Variants in SGTB observed in about 807,000 individuals in gnomAD.
SGTB encodes the protein small glutamine-rich tetratricopeptide repeat-containing protein beta.
A neutral mutation model predicts 43.9 loss-of-function variants in SGTB; 19 were observed. The observed-to-expected ratio is 0.43, with a 90% CI of 0.30 to 0.63. The LOEUF is 0.63. SGTB is among the 30% of genes least tolerant of loss of function. The probability of loss-of-function intolerance (pLI) is 0.12; values close to 1 mark genes in which losing one functional copy is unlikely to be tolerated. For synonymous variants in SGTB, 116 were observed against 117.3 expected, an observed-to-expected ratio of 0.99 and a Z score of 0.07; for missense variants, 304 against 358.9, an observed-to-expected ratio of 0.85 and a Z score of 1.24.
At chr5:65,714,113 T>A (rs919583392) in intron 2 of SGTB, among the ~76,000 whole-genome samples, 5 of 152,290 alleles carry the variant, frequency 3.3e-5, no homozygotes, top group African/African-American at 9.6e-5. Context: ...ATTATTTTTT[T>A]AAAAAATGTG....
Position 65,669,022 on chromosome 5 carries a change from T to G in SGTB, c.*1224A>C, listed in dbSNP as rs1757101270. 6.6e-6 allele frequency: 1 copy of G among 152,210 alleles called. No individual in the cohort carries two copies. Among genetic ancestry groups the G allele is most frequent in the Admixed American group, 6.5e-5 (1 of 15,280 alleles). The allele number at this position is 152,210 out of a possible 1,614,324, so 9.4% of individuals were successfully genotyped here. A position where few individuals can be genotyped will look rare whatever the true frequency, so the allele number is the denominator to read the frequency against. Reference sequence around the variant, plus strand: ...TAATAAACAAAAAATATACTCTAGTTGGAATTAAACTCTCATCATCAATGT... The same window carrying G: ...TAATAAACAAAAAATATACTCTAGTGGGAATTAAACTCTCATCATCAATGT... On this transcript the variant is annotated 3_prime_UTR_variant, in exon 11 of 11. Coordinates refer to ENST00000381007, the MANE Select transcript of SGTB (RefSeq NM_019072.3).
At chr5:65,674,548 G>A (rs1172475846) in intron 8 of SGTB, among the ~76,000 whole-genome samples, 1 of 152,214 alleles carries the variant, frequency 6.6e-6, no homozygotes, top group Non-Finnish European at 1.5e-5. Context: ...CTTGAGATGA[G>A]AGCAAGCCTC....
Position 65,665,966 on chromosome 5 carries a change from ATTGT to A in SGTB, c.*4276_*4279del, listed in dbSNP as rs1024316280. On this transcript the variant is annotated 3_prime_UTR_variant, in exon 11 of 11. Coordinates refer to ENST00000381007, the MANE Select transcript of SGTB (RefSeq NM_019072.3). ...GCATCATTATTTATTGCCATAACAA[ATTGT>A]TTGGTCCAAAATGAAAGCTATATTC... 2 of 152,612 alleles carry A rather than the reference ATTGT, an allele frequency of 1.3e-5. No individual in the cohort carries two copies. Among genetic ancestry groups the A allele is most frequent in the East Asian group, 1.9e-4 (1 of 5,200 alleles). The allele number at this position is 152,612 out of a possible 1,614,324, so 9.5% of individuals were successfully genotyped here.
intron 5 of SGTB, among the ~76,000 whole-genome samples, chr5:65,699,024 T>A (rs936067774): frequency 1.3e-5 from 2 of 152,118 alleles, no homozygotes; most frequent in Non-Finnish European, 2.9e-5. Context: ...AGGAATCCCA[T>A]TACTGGGTAC....
At position 65,720,761 on chromosome 5, in the gene SGTB, C is replaced by G; in HGVS notation, c.47G>C (p.Arg16Pro). The change falls in exon 2 of 11, where the codon CGG becomes CCG. Residue 16 changes from arginine to proline, a missense_variant. Physicochemically the swap from Arg to Pro is moderately radical, Grantham distance 103 (BLOSUM62 -2). Transcript: ENST00000381007. Reference protein sequence around the residue: ...HLVYAVIRFLREQSQMDTYTS... With the variant: ...HLVYAVIRFLPEQSQMDTYTS... ...GTAAGTGTCCATCTGACTTTGTTCCCGTAAGAAACGAATAACTGCATAAAC... is the reference window on the plus strand; with the variant it reads ...GTAAGTGTCCATCTGACTTTGTTCCGGTAAGAAACGAATAACTGCATAAAC... The G allele has an allele frequency of 6.2e-7, 1 of 1,613,878 alleles. No homozygotes were observed. The highest frequency in any genetic ancestry group is 8.5e-7 in the Non-Finnish European group (1 of 1,179,936).
rs115653180 is a variant in SGTB, at chr5:65,714,074, A to G, written c.101-1010T>C. 2.2e-3 allele frequency among the ~76,000 whole-genome samples: 330 copies of G among 152,248 alleles called. 3 individuals are homozygous for G. The highest frequency in any genetic ancestry group is 7.8e-3 in the African/African-American group (326 of 41,540). On this transcript the variant is annotated intron_variant, in intron 2 of 10. Coordinates refer to ENST00000381007, the MANE Select transcript of SGTB (RefSeq NM_019072.3). ...AAAAACAAAAACAAAAACAAAACAA[A>G]AAAAGTACTCTCACTACAAACCTAA...
At position 65,693,202 on chromosome 5, in the gene SGTB, G is replaced by A. The variant is rs1053914569; in HGVS notation, c.375-7730C>T. Among the ~76,000 whole-genome samples, 40 of 150,742 alleles carry A rather than the reference G, an allele frequency of 2.7e-4. 1 individual carries two copies. Among genetic ancestry groups the A allele is most frequent in the Admixed American group, 2.6e-3 (40 of 15,116 alleles). On this transcript the variant is annotated intron_variant, in intron 5 of 10. Coordinates refer to ENST00000381007, the MANE Select transcript of SGTB (RefSeq NM_019072.3). ...AGAGAAGGACAGGACAGGATGGGAC[G>A]GGAAGGGAAGGGAAGGGAAGGAAGG...
rs770729113 is a variant in SGTB, at chr5:65,722,023, T to C, written c.-129A>G. 3 of 154,592 alleles carry C rather than the reference T, an allele frequency of 1.9e-5. No individual in the cohort carries two copies. Among genetic ancestry groups the C allele is most frequent in the Non-Finnish European group, 2.9e-5 (2 of 69,696 alleles). 9.6% of individuals were successfully genotyped at this position (154,592 alleles called of 1,614,324 possible). On this transcript the variant is annotated 5_prime_UTR_variant, in exon 1 of 11. Coordinates refer to ENST00000381007, the MANE Select transcript of SGTB (RefSeq NM_019072.3). ...GGAGCCCGGCTCGGGATCGCAGCAC[T>C]GGTCGCGGCGGCGCAAACTTCCCCG...
At chr5:65,678,066 T>G (rs1396362181) in intron 8 of SGTB, among the ~76,000 whole-genome samples, 2 of 152,186 alleles carry the variant, frequency 1.3e-5, no homozygotes, top group Non-Finnish European at 2.9e-5. Flanking sequence ...TATCCCTATA[T>G]GCAGATGACA....
upstream of SGTB, chr5:65,722,676 C>G: frequency 6.0e-6 from 3 of 500,944 alleles, no homozygotes; most frequent in Non-Finnish European, 1.1e-5. Flanking sequence ...CGAGGCTGGT[C>G]ACAGACGCGG....
In SGTB at chr5:65,701,288, T is replaced by TA. The variant is rs151218543; in HGVS notation, c.374+2990dup. 1.2e-3 allele frequency among the ~76,000 whole-genome samples: 184 copies of TA among 152,120 alleles called. No homozygotes were observed. In the East Asian group the frequency reaches 0.031, roughly 26 times the overall value. On this transcript the variant is annotated intron_variant, in intron 5 of 10. Coordinates refer to ENST00000381007, the MANE Select transcript of SGTB (RefSeq NM_019072.3). ...CTCTTTCAAACCTAAGAACCTACTA[T>TA]AAAATAAAAGGTGATAAGGCCGTTA...
chr5:65,693,227 GGAAAGAGAGAAA>G (rs1757647448), intron 5 of SGTB, among the ~76,000 whole-genome samples: 1 of 150,540 alleles, frequency 6.6e-6, no homozygotes, highest in Non-Finnish European at 1.5e-5. Context: ...GGGAAGGAAG[GGAAAGAGAGAAA>G]GAGAGAGAGG....
rs374147575 is a variant in SGTB, at chr5:65,667,061, T to C, written c.*3185A>G. The C allele has an allele frequency of 6.6e-6, 1 of 152,204 alleles. No homozygotes were observed. The highest frequency in any genetic ancestry group is 1.5e-5 in the Non-Finnish European group (1 of 68,012). The allele number at this position is 152,204 out of a possible 1,614,324, so 9.4% of individuals were successfully genotyped here. Reference sequence around the variant, plus strand: ...GCCTGTAGTTTTCTTTACTGGAAGGTTTTTAACTTAACCACAAACTCAATT... The same window carrying C: ...GCCTGTAGTTTTCTTTACTGGAAGGCTTTTAACTTAACCACAAACTCAATT... On this transcript the variant is annotated 3_prime_UTR_variant, in exon 11 of 11. Transcript: ENST00000381007.
intron 8 of SGTB, among the ~76,000 whole-genome samples, chr5:65,675,535 T>C (rs1047916338): frequency 3.9e-5 from 6 of 152,148 alleles, no homozygotes; most frequent in African/African-American, 1.2e-4. Flanking sequence ...CTAAAGTCCA[T>C]CCATGGCTTT....
At chr5:65,710,956 A>G (rs929947390) in intron 3 of SGTB, among the ~76,000 whole-genome samples, 7 of 148,666 alleles carry the variant, frequency 4.7e-5, no homozygotes, top group African/African-American at 1.7e-4. Context: ...AGATCATGCC[A>G]CTGCATTCTA....
chr5:65,690,666 G>A (rs1002423270), intron 5 of SGTB, among the ~76,000 whole-genome samples: 1 of 151,974 alleles, frequency 6.6e-6, no homozygotes, highest in East Asian at 1.9e-4. Context: ...ATAGAGAGAG[G>A]TATTATTTTT....
chr5:65,695,554 T>G (rs1039994936), intron 5 of SGTB, among the ~76,000 whole-genome samples: 2 of 152,230 alleles, frequency 1.3e-5, no homozygotes, highest in Non-Finnish European at 1.5e-5. Context: ...TGTTGTCTGG[T>G]TATCAGGGCA....
chr5:65,684,394 C>G (rs938744253), intron 6 of SGTB, among the ~76,000 whole-genome samples: 1 of 151,950 alleles, frequency 6.6e-6, no homozygotes, highest in Non-Finnish European at 1.5e-5. Context: ...CAGTGAATGA[C>G]TTTTTATGAC....
intron 5 of SGTB, among the ~76,000 whole-genome samples, chr5:65,697,530 G>A (rs544485044): frequency 1.3e-5 from 2 of 152,274 alleles, no homozygotes; most frequent in Admixed American, 1.3e-4. Context: ...TTTCAAGACT[G>A]CATATGTTAA....
Sources: allele counts gnomAD v4.1 joint callset (sites outside exome capture counted in the v4.1 genomes callset), GRCh38; gene constraint gnomAD v4.1.1; transcripts MANE v1.5; gene names NCBI Gene and HGNC (gene_info 2026-07-23, HGNC 2026-07-21).